The following YPEL2 variants were observed in gnomAD, a reference collection of about 807,000 sequenced individuals.
YPEL2 encodes yippee like 2.
In YPEL2, 2 loss-of-function variants were observed where a neutral mutation model predicts 19.1. The ratio of observed to expected loss-of-function variants is 0.10; its 90% CI spans 0.04 to 0.33. The LOEUF (loss-of-function observed/expected upper bound fraction) is 0.33, where lower values mean the gene tolerates loss of function less well. Among genes scored for constraint, YPEL2 ranks in the 10% least tolerant of loss-of-function variants. The pLI is 1.00. For missense variants in YPEL2, 66 were observed against 140.7 expected (o/e 0.47, Z 2.68); for synonymous variants, 52 against 50.0 (o/e 1.04, Z -0.17).
chr17:59,341,987 C>G (rs1454734420), intron 1 of YPEL2, among the ~76,000 whole-genome samples: 3 of 152,168 alleles, frequency 2.0e-5, no homozygotes, highest in Non-Finnish European at 4.4e-5. Flanking sequence ...ATATAAGCAA[C>G]CTTTTGAAAG....
intron 1 of YPEL2, among the ~76,000 whole-genome samples, chr17:59,351,429 G>A (rs2047787117): frequency 6.6e-6 from 1 of 152,004 alleles, no homozygotes; most frequent in Admixed American, 6.6e-5. Context: ...TCCAAGCAGG[G>A]TACTTGGCTC....
intron 2 of YPEL2, 62 bp from the exon 3 acceptor site, chr17:59,388,265 G>A (rs536281932): frequency 6.5e-7 from 1 of 1,536,966 alleles, no homozygotes; most frequent in East Asian, 2.2e-5. Flanking sequence ...GATTGGGGTT[G>A]GTTTCCCAAA....
chr17:59,362,782 A>ATCCC (rs2047847943), intron 2 of YPEL2: 1 of 152,102 alleles, frequency 6.6e-6, no homozygotes. Flanking sequence ...TGGGTGCAGG[A>ATCCC]TCCCTCTGTT....
intron 2 of YPEL2, among the ~76,000 whole-genome samples, chr17:59,367,585 G>C (rs2047876737): frequency 6.6e-6 from 1 of 152,166 alleles, no homozygotes; most frequent in Admixed American, 6.5e-5. Flanking sequence ...CTTAACCCTA[G>C]GTAAGATGAT....
chr17:59,341,636 C>A (rs2047731521), intron 1 of YPEL2, among the ~76,000 whole-genome samples: 1 of 151,798 alleles, frequency 6.6e-6, no homozygotes, highest in East Asian at 1.9e-4. Context: ...CCAGCGTGGG[C>A]AACAAGTGCG....
At chr17:59,392,730 TCTCGAA>T (rs2048014063) in intron 4 of YPEL2, among the ~76,000 whole-genome samples, 1 of 152,138 alleles carries the variant, frequency 6.6e-6, no homozygotes, top group African/African-American at 2.4e-5. Flanking sequence ...GTCAGGCTGG[TCTCGAA>T]CTCCTCACCT....
intron 2 of YPEL2, among the ~76,000 whole-genome samples, chr17:59,361,739 C>CA (rs2047841973): frequency 6.6e-6 from 1 of 152,096 alleles, no homozygotes; most frequent in Non-Finnish European, 1.5e-5. Flanking sequence ...GGCTCTCCAC[C>CA]AAAGATACTG....
chr17:59,342,479 A>G (rs752762504), intron 1 of YPEL2, among the ~76,000 whole-genome samples: 5 of 151,758 alleles, frequency 3.3e-5, no homozygotes, highest in Non-Finnish European at 7.4e-5. Flanking sequence ...CTCTTACCCT[A>G]TTTTCCAAGA....
intron 1 of YPEL2, among the ~76,000 whole-genome samples, chr17:59,332,182 C>T (rs1429763637): frequency 2.6e-5 from 4 of 151,988 alleles, no homozygotes; most frequent in African/African-American, 4.8e-5. Context: ...GCTTCCTCCT[C>T]CGCGTCGTCC....
At chr17:59,380,892 A>G (rs2047945828) in intron 2 of YPEL2, among the ~76,000 whole-genome samples, 1 of 152,226 alleles carries the variant, frequency 6.6e-6, no homozygotes, top group Admixed American at 6.5e-5. Context: ...TGAATTGCAA[A>G]GTGGGGAAGC....
In YPEL2 at chr17:59,341,661, GA is replaced by G. The variant is rs576016706; in HGVS notation, c.-196+9847del. On this transcript the variant is annotated intron_variant, in intron 1 of 4. Coordinates refer to ENST00000312655, the MANE Select transcript of YPEL2 (RefSeq NM_001005404.4). Reference sequence around the variant, plus strand: ...CAACAAGTGCGAAACAACGTCTCAGGAAAAAAAAAAGTTATATTAAAAAGGT... The same window carrying G: ...CAACAAGTGCGAAACAACGTCTCAGGAAAAAAAAAGTTATATTAAAAAGGT... 1.4e-3 allele frequency among the ~76,000 whole-genome samples: 215 copies of G among 149,596 alleles called. 1 individual carries two copies. Among genetic ancestry groups the G allele is most frequent in the South Asian group, 4.7e-3 (22 of 4,726 alleles).
At chr17:59,335,408 A>G (rs898803611) in intron 1 of YPEL2, among the ~76,000 whole-genome samples, 4 of 151,984 alleles carry the variant, frequency 2.6e-5, no homozygotes, top group Admixed American at 6.6e-5. Flanking sequence ...CTTCTGCCTC[A>G]TCTCTTACCA....
chr17:59,362,959 A>G (rs1291146581), intron 2 of YPEL2: 1 of 152,190 alleles, frequency 6.6e-6, no homozygotes, highest in Non-Finnish European at 1.5e-5. Flanking sequence ...GATGGTAGGG[A>G]TAAGATGATT....
At chr17:59,361,214 G>A (rs557239810) in intron 2 of YPEL2, among the ~76,000 whole-genome samples, 2 of 152,216 alleles carry the variant, frequency 1.3e-5, no homozygotes, top group South Asian at 4.2e-4. Context: ...TGTGGGTGAC[G>A]GCAGTGGGGA....
At chr17:59,334,881 A>G (rs528369056) in intron 1 of YPEL2, among the ~76,000 whole-genome samples, 1 of 152,130 alleles carries the variant, frequency 6.6e-6, no homozygotes, top group East Asian at 1.9e-4. Context: ...AAAGAAAGCA[A>G]CAAAAGGATG....
chr17:59,377,503 T>A (rs1480093664), intron 2 of YPEL2, among the ~76,000 whole-genome samples: 1 of 152,162 alleles, frequency 6.6e-6, no homozygotes, highest in African/African-American at 2.4e-5. Context: ...GATGGGGATA[T>A]CTGATCATGG....
intron 1 of YPEL2, among the ~76,000 whole-genome samples, chr17:59,344,861 A>G (rs1567732442): frequency 1.3e-5 from 2 of 152,358 alleles, no homozygotes; most frequent in South Asian, 4.1e-4. Context: ...AAGCATTGCC[A>G]GAAGGCTCTG....
intron 2 of YPEL2, among the ~76,000 whole-genome samples, chr17:59,374,581 A>G (rs1348418972): frequency 2.0e-5 from 3 of 152,206 alleles, no homozygotes; most frequent in African/African-American, 4.8e-5. Context: ...CTGAAGCCCA[A>G]TTAATTGTTT....
At chr17:59,361,877 A>G (rs2047842684) in intron 2 of YPEL2, among the ~76,000 whole-genome samples, 1 of 152,230 alleles carries the variant, frequency 6.6e-6, no homozygotes, top group Non-Finnish European at 1.5e-5. Flanking sequence ...GAAGCCTCAA[A>G]TGATGGGGAG....
Sources: gnomAD v4.1 joint callset for allele counts (sites outside exome capture counted in the v4.1 genomes callset) on GRCh38, gnomAD v4.1.1 for gene constraint, MANE v1.5 for transcripts, NCBI Gene and HGNC (gene_info 2026-07-23, HGNC 2026-07-21) for gene names.